Variants in ZNF804B observed in about 807,000 individuals in gnomAD.
ZNF804B encodes the protein zinc finger protein 804B, also known as zinc finger 804B.
A neutral mutation model predicts 101.4 loss-of-function variants in ZNF804B; 80 were observed. The observed-to-expected ratio is 0.79, with a 90% confidence interval of 0.66 to 0.95. The LOEUF (loss-of-function observed/expected upper bound fraction) is 0.95, where lower values mean the gene tolerates loss of function less well. Among genes scored for constraint, ZNF804B ranks in the 40% least tolerant of loss-of-function variants. The pLI is 0.00. For missense variants in ZNF804B, 1,673 were observed against 1,561.9 expected (o/e 1.07, Z -1.20); for synonymous variants, 622 against 558.8 (o/e 1.11, Z -1.59).
intron 1 of ZNF804B, among the ~76,000 whole-genome samples, chr7:89,190,284 G>A (rs1054916037): frequency 4.0e-5 from 6 of 149,922 alleles, no homozygotes; most frequent in South Asian, 4.2e-4. Flanking sequence ...GCAGTGAGCC[G>A]AGATCGTGCC....
intron 1 of ZNF804B, among the ~76,000 whole-genome samples, chr7:88,909,731 T>A (rs986298180): frequency 1.3e-5 from 2 of 151,774 alleles, no homozygotes; most frequent in Non-Finnish European, 3.0e-5. Flanking sequence ...TGCAGCCTAG[T>A]TAGTTCCTTC....
At position 89,268,071 on chromosome 7, in the gene ZNF804B, C is replaced by A. The variant is rs1047912750; in HGVS notation, c.249+49776C>A. Among the ~76,000 whole-genome samples, 6 of 152,066 alleles carry A rather than the reference C, an allele frequency of 3.9e-5. No homozygotes were observed. In the South Asian group the frequency reaches 1.2e-3, roughly 32 times the overall value. On this transcript the variant is annotated intron_variant, in intron 2 of 3. Transcript: ENST00000333190. ...TCCTACACATGTTGCTGTGATGAACCTTTTGGACCAAAAGTCTAATGAGTA... is the reference window on the plus strand; with the variant it reads ...TCCTACACATGTTGCTGTGATGAACATTTTGGACCAAAAGTCTAATGAGTA...
chr7:88,839,424 A>C (rs1791264455), intron 1 of ZNF804B, among the ~76,000 whole-genome samples: 1 of 152,000 alleles, frequency 6.6e-6, no homozygotes, highest in Non-Finnish European at 1.5e-5. Flanking sequence ...TTTCCTTAGG[A>C]GGAATACTGC....
At chr7:88,764,082 T>C (rs1395539221) in intron 1 of ZNF804B, among the ~76,000 whole-genome samples, 2 of 152,174 alleles carry the variant, frequency 1.3e-5, no homozygotes, top group African/African-American at 2.4e-5. Context: ...ACAAATAGCT[T>C]CTATGTAATA....
chr7:88,879,960 G>A (rs542672142), intron 1 of ZNF804B, among the ~76,000 whole-genome samples: 8 of 151,868 alleles, frequency 5.3e-5, no homozygotes, highest in African/African-American at 1.9e-4. Flanking sequence ...AATTGCTTGA[G>A]CCCAGGAGGT....
chr7:88,913,110 T>C (rs908151559), intron 1 of ZNF804B, among the ~76,000 whole-genome samples: 1 of 152,208 alleles, frequency 6.6e-6, no homozygotes, highest in African/African-American at 2.4e-5. Context: ...GTTCACAGAC[T>C]GGCAAAGAGT....
Position 89,218,287 on chromosome 7 carries a change from C to T in ZNF804B, c.241C>T (p.His81Tyr). 3.1e-6 allele frequency: 5 copies of T among 1,613,498 alleles called. No individual in the cohort carries two copies. The highest frequency in any genetic ancestry group is 4.2e-6 in the Non-Finnish European group (5 of 1,179,698). The change falls in exon 2 of 4, where the codon CAT becomes TAT. Residue 81 changes from histidine (H) to tyrosine (Y), a missense_variant. By Grantham distance (83) the His-to-Tyr change is moderately conservative. Transcript: ENST00000333190. ...DNHINSYDHA[H>Y]KQRLKELKQR... ...TCATATTAATTCTTATGACCATGCT[C>T]ATAAGCAGGTAAGGCAAAGTGGGAA...
At chr7:88,853,765 A>G (rs1476516226) in intron 1 of ZNF804B, among the ~76,000 whole-genome samples, 1 of 152,102 alleles carries the variant, frequency 6.6e-6, no homozygotes, top group East Asian at 1.9e-4. Flanking sequence ...TCACCAATGT[A>G]TAATAACCTT....
chr7:89,135,767 C>T (rs557937612), intron 1 of ZNF804B, among the ~76,000 whole-genome samples: 33 of 152,124 alleles, frequency 2.2e-4, no homozygotes, highest in African/African-American at 7.5e-4. Flanking sequence ...TATCTCTTGT[C>T]TACTTTAGGC....
intron 2 of ZNF804B, among the ~76,000 whole-genome samples, chr7:89,267,535 C>A (rs1339591477): frequency 6.6e-6 from 1 of 152,016 alleles, no homozygotes; most frequent in African/African-American, 2.4e-5. Flanking sequence ...TTATTTCCAC[C>A]AAATATGGTC....
chr7:89,243,247 C>A (rs1368558237), intron 2 of ZNF804B, among the ~76,000 whole-genome samples: 3 of 151,196 alleles, frequency 2.0e-5, no homozygotes, highest in African/African-American at 7.3e-5. Flanking sequence ...CAGGCAGTTA[C>A]AAATAAGAAA....
intron 1 of ZNF804B, among the ~76,000 whole-genome samples, chr7:88,856,162 G>A (rs1274622399): frequency 6.6e-6 from 1 of 152,096 alleles, no homozygotes; most frequent in Non-Finnish European, 1.5e-5. Flanking sequence ...GTAGCTTGAT[G>A]GGGGATGGCA....
intron 1 of ZNF804B, among the ~76,000 whole-genome samples, chr7:88,934,399 G>A (rs1453318661): frequency 6.6e-6 from 1 of 151,794 alleles, no homozygotes; most frequent in African/African-American, 2.4e-5. Flanking sequence ...ATGAATAAAT[G>A]GTACTTAATA....
chr7:88,803,097 G>A (rs1388117812), intron 1 of ZNF804B, among the ~76,000 whole-genome samples: 2 of 151,932 alleles, frequency 1.3e-5, no homozygotes, highest in Non-Finnish European at 2.9e-5. Flanking sequence ...GTAGAATTTC[G>A]GACGGATATT....
At chr7:89,001,861 G>A (rs571076328) in intron 1 of ZNF804B, among the ~76,000 whole-genome samples, 2 of 151,550 alleles carry the variant, frequency 1.3e-5, no homozygotes, top group Non-Finnish European at 3.0e-5. Context: ...AGTGTATTTT[G>A]TATTATTATT....
intron 1 of ZNF804B, among the ~76,000 whole-genome samples, chr7:89,198,410 A>G (rs1788585918): frequency 6.6e-6 from 1 of 151,958 alleles, no homozygotes; most frequent in African/African-American, 2.4e-5. Flanking sequence ...GTTTACAATA[A>G]TATTAATAGC....
intron 1 of ZNF804B, among the ~76,000 whole-genome samples, chr7:88,889,696 T>C (rs1387742933): frequency 8.6e-6 from 1 of 116,706 alleles, no homozygotes; most frequent in Admixed American, 8.7e-5. Context: ...ACTTGCATAG[T>C]TGGGGAATAT....
intron 1 of ZNF804B, among the ~76,000 whole-genome samples, chr7:89,161,751 A>G (rs1325568906): frequency 2.6e-5 from 4 of 152,224 alleles, no homozygotes; most frequent in Non-Finnish European, 5.9e-5. Context: ...AAAATATCCT[A>G]ATATCTGGTT....
At chr7:88,772,653 A>C (rs1482870417) in intron 1 of ZNF804B, among the ~76,000 whole-genome samples, 2 of 152,214 alleles carry the variant, frequency 1.3e-5, no homozygotes, top group Admixed American at 6.5e-5. Flanking sequence ...TCATTAAGTC[A>C]TGAATATTAA....
Sources: gnomAD v4.1 joint callset for allele counts (sites outside exome capture counted in the v4.1 genomes callset) on GRCh38, gnomAD v4.1.1 for gene constraint, MANE v1.5 for transcripts, NCBI Gene and HGNC (gene_info 2026-07-23, HGNC 2026-07-21) for gene names.